Variants in MATR3 observed in about 807,000 individuals in gnomAD.
The protein encoded by MATR3 is matrin 3.
A neutral mutation model predicts 85.5 loss-of-function variants in MATR3; 4 were observed. That is an observed-to-expected ratio of 0.05 (90% confidence interval 0.02 to 0.11). MATR3 has a LOEUF of 0.11. MATR3 is among the 10% of genes least tolerant of loss of function. The pLI is 1.00. For synonymous variants in MATR3, 336 were observed against 343.1 expected (o/e 0.98, Z 0.23); for missense variants, 685 against 1,016.1 (o/e 0.67, Z 4.43).
intron 1 of MATR3, chr5:139,294,812 TC>T (rs777173223): frequency 6.6e-6 from 1 of 152,262 alleles, no homozygotes; most frequent in Non-Finnish European, 1.5e-5. Flanking sequence ...TGTTCTGTGT[TC>T]GGCATTTACC....
chr5:139,328,999 T>C (rs1755995352), intron 14 of MATR3, among the ~76,000 whole-genome samples: 1 of 151,382 alleles, frequency 6.6e-6, no homozygotes, highest in African/African-American at 2.4e-5. Flanking sequence ...AGCAAAACTC[T>C]CCCTCAAAAA....
chr5:139,296,719 T>C (rs1400896831), intron 1 of MATR3, among the ~76,000 whole-genome samples: 1 of 152,244 alleles, frequency 6.6e-6, no homozygotes, highest in African/African-American at 2.4e-5. Context: ...AAAATCATTA[T>C]TATTGGAAAT....
intron 8 of MATR3, 111 bp from the exon 9 acceptor site, chr5:139,319,223 G>T: frequency 7.5e-7 from 1 of 1,336,178 alleles, no homozygotes; most frequent in Non-Finnish European, 1.1e-6. Context: ...GGGCAACATA[G>T]CAAGACCTCG....
chr5:139,276,358 C>T (rs560198280), intron 2 of MATR3: 1 of 384,444 alleles, frequency 2.6e-6, no homozygotes, highest in East Asian at 7.3e-5. Context: ...TTTTTGGCTT[C>T]CCTGGGCCAC....
intron 12 of MATR3, among the ~76,000 whole-genome samples, chr5:139,324,769 T>C (rs1755760901): frequency 6.6e-6 from 1 of 152,232 alleles, no homozygotes; most frequent in Non-Finnish European, 1.5e-5. Context: ...TCCTATCTCA[T>C]TTAACTTCTG....
In MATR3 at chr5:139,317,061, A is replaced by C; in HGVS notation, c.1138A>C (p.Asn380His). The C allele has an allele frequency of 6.2e-7, 1 of 1,614,066 alleles. No individual in the cohort carries two copies. The highest frequency in any genetic ancestry group is 8.5e-7 in the Non-Finnish European group (1 of 1,179,952). The change falls in exon 6 of 15, where the codon AAT (asparagine) becomes CAT (histidine). Residue 380 changes from asparagine (N) to histidine (H), a missense_variant. By Grantham distance (68) the Asn-to-His change is moderately conservative. This residue lies in a region of MATR3 where 223 missense variants were observed against 334.4 expected (regional missense o/e 0.67). Transcript: ENST00000394805. ...VGPRGNLGAG[N>H]GNLQGPRHMQ... ...TTTCTCTTCCCATAAAGGTGCTGGA[A>C]ATGGAAACCTGCAAGGACCTAGACA...
intron 2 of MATR3, among the ~76,000 whole-genome samples, chr5:139,276,984 A>G (rs936684399): frequency 3.9e-5 from 6 of 152,122 alleles, no homozygotes; most frequent in Non-Finnish European, 7.4e-5. Flanking sequence ...GGCTGACAGT[A>G]TATTTGCTTT....
At chr5:139,322,080 A>G in intron 10 of MATR3, 51 bp downstream of exon 10, 1 of 1,575,998 alleles carries the variant, frequency 6.3e-7, no homozygotes, top group Non-Finnish European at 8.7e-7. Context: ...TTACATATTT[A>G]AAGCCACAAC....
chr5:139,326,375 C>A, intron 14 of MATR3, 91 bp downstream of exon 14: 1 of 1,259,138 alleles, frequency 7.9e-7, no homozygotes, highest in Non-Finnish European at 1.2e-6. Context: ...ATAGTGTTCT[C>A]TCTAGACTCA....
intron 1 of MATR3, chr5:139,294,614 G>A (rs1256732586): frequency 6.6e-6 from 1 of 152,208 alleles, no homozygotes; most frequent in East Asian, 1.9e-4. Context: ...AGTACAGTGC[G>A]AGGCGGGTGA....
chr5:139,274,977 G>T (rs972107172), intron 1 of MATR3, among the ~76,000 whole-genome samples: 3 of 151,074 alleles, frequency 2.0e-5, no homozygotes, highest in Non-Finnish European at 3.0e-5. Flanking sequence ...CAAACATTTT[G>T]GTTATTTTTA....
chr5:139,296,490 A>T (rs1328122813), intron 1 of MATR3, among the ~76,000 whole-genome samples: 1 of 152,218 alleles, frequency 6.6e-6, no homozygotes, highest in African/African-American at 2.4e-5. Context: ...CAACTTTTGT[A>T]ATGAGAGAAA....
At chr5:139,323,496 T>A (rs527452098) in intron 12 of MATR3, among the ~76,000 whole-genome samples, 21 of 152,312 alleles carry the variant, frequency 1.4e-4, no homozygotes, top group South Asian at 4.1e-4. Flanking sequence ...AATATAAAAA[T>A]ACACACATGC....
rs1756048574 is a variant in MATR3 at position 139,329,876 on chromosome 5, G to A, written c.*481G>A. The A allele has an allele frequency of 2.2e-6, 1 of 454,368 alleles. No individual in the cohort carries two copies. The highest frequency in any genetic ancestry group is 4.4e-6 in the Non-Finnish European group (1 of 226,784). The allele number at this position is 454,368 out of a possible 1,614,324, so 28.1% of individuals were successfully genotyped here. On this transcript the variant is annotated 3_prime_UTR_variant, in exon 15 of 15. Transcript: ENST00000394805. Reference sequence around the variant, plus strand: ...CCCGTTTTGGTTGCATTTCATTTTTGGAGAACTTAATTAACGTGAGATTGG... The same window carrying A: ...CCCGTTTTGGTTGCATTTCATTTTTAGAGAACTTAATTAACGTGAGATTGG...
At chr5:139,294,241 G>A (rs1754014670) in intron 1 of MATR3, 1 of 412,438 alleles carries the variant, frequency 2.4e-6, no homozygotes, top group Non-Finnish European at 4.2e-6. Context: ...CTGTACACTG[G>A]GGGCTTGCCG....
chr5:139,282,572 A>G (rs1753568932), intron 3 of MATR3, among the ~76,000 whole-genome samples: 1 of 152,252 alleles, frequency 6.6e-6, no homozygotes, highest in Admixed American at 6.5e-5. Context: ...AGATGGTACA[A>G]AGAGTTCCCA....
intron 1 of MATR3, among the ~76,000 whole-genome samples, chr5:139,302,811 A>G (rs1754518152): frequency 6.6e-6 from 1 of 152,238 alleles, no homozygotes; most frequent in African/African-American, 2.4e-5. Context: ...TGAATAAGCT[A>G]ATAAATGATC....
At chr5:139,305,620 T>C (rs1216445393) in intron 1 of MATR3, among the ~76,000 whole-genome samples, 1 of 152,198 alleles carries the variant, frequency 6.6e-6, no homozygotes, top group Non-Finnish European at 1.5e-5. Flanking sequence ...ATAAGACATA[T>C]CAAAGAAACT....
At chr5:139,322,393 A>AATT (rs1253639582) in intron 10 of MATR3, 70 bp from the exon 11 acceptor site, 1 of 1,378,634 alleles carries the variant, frequency 7.3e-7, no homozygotes, top group Non-Finnish European at 1.0e-6. Flanking sequence ...GATTGTCTCC[A>AATT]ATTATTAATT....
Sources: allele counts gnomAD v4.1 joint callset (sites outside exome capture counted in the v4.1 genomes callset), GRCh38; gene constraint gnomAD v4.1.1; regional missense constraint gnomAD v4.1.1; transcripts MANE v1.5; gene names NCBI Gene and HGNC (gene_info 2026-07-23, HGNC 2026-07-21).